MTRF1L: variants seen among roughly 807,000 people sequenced by gnomAD.
MTRF1L encodes mitochondrial translation release factor 1 like.
Under a neutral mutation model 40.0 loss-of-function variants are expected in MTRF1L, and 29 were observed. The ratio of observed to expected loss-of-function variants is 0.73; its 90% CI spans 0.54 to 0.99. MTRF1L has a LOEUF of 0.99. Ranked by LOEUF, MTRF1L falls within the 50% of genes least tolerant of loss-of-function variation. The pLI, the probability that MTRF1L is intolerant of heterozygous loss-of-function variation, is 0.00. For synonymous variants in MTRF1L, 150 were observed against 175.8 expected, an observed-to-expected ratio of 0.85 and a Z score of 1.16; for missense variants, 412 against 464.5, an observed-to-expected ratio of 0.89 and a Z score of 1.04.
intron 2 of MTRF1L, 72 bp from the exon 3 acceptor site, chr6:152,995,391 A>AT: frequency 7.7e-7 from 1 of 1,295,494 alleles, no homozygotes; most frequent in Non-Finnish European, 1.0e-6. Context: ...AAGCTAAATG[A>AT]TTCAGGAATT....
At chr6:153,000,818 CA>C (rs1778886942) in intron 1 of MTRF1L, among the ~76,000 whole-genome samples, 1 of 150,542 alleles carries the variant, frequency 6.6e-6, no homozygotes, top group Non-Finnish European at 1.5e-5. Context: ...AGACTTATTT[CA>C]GTGTGAGCTG....
chr6:152,994,603 AAC>A lies in MTRF1L; in HGVS notation c.595_596del (p.Val199SerfsTer18), dbSNP rs1778646194. On this transcript the variant is annotated frameshift_variant, in exon 4 of 7. Coordinates refer to ENST00000367233, the MANE Select transcript of MTRF1L (RefSeq NM_019041.7). LOFTEE classifies it high-confidence loss of function. ...AYRHMKFEGG[V>X]HRVQRVPKTE... ...TCTTTGGCACTCTTTGTACTCTGTGAACACCTCCTTCAAATTTCATGTGCCTA... is the reference window on the plus strand; with the variant it reads ...TCTTTGGCACTCTTTGTACTCTGTGAACCTCCTTCAAATTTCATGTGCCTA... 6.2e-7 allele frequency: 1 copy of A among 1,613,754 alleles called. No individual in the cohort carries two copies. Among genetic ancestry groups the A allele is most frequent in the South Asian group, 1.1e-5 (1 of 91,072 alleles).
chr6:152,994,408 A>AG, intron 4 of MTRF1L, 105 bp downstream of exon 4: 1 of 1,222,700 alleles, frequency 8.2e-7, no homozygotes, highest in Non-Finnish European at 1.1e-6. Flanking sequence ...AAAATACACA[A>AG]GGAAGACCAA....
intron 4 of MTRF1L, among the ~76,000 whole-genome samples, chr6:152,993,970 T>C (rs1427438276): frequency 1.3e-5 from 2 of 152,226 alleles, no homozygotes; most frequent in Non-Finnish European, 1.5e-5. Flanking sequence ...AAGTCAGATA[T>C]CTGCTATCAC....
chr6:152,998,806 T>G (rs1778808802), intron 1 of MTRF1L, 177 bp from the exon 2 acceptor site: 1 of 378,604 alleles, frequency 2.6e-6, no homozygotes, highest in Non-Finnish European at 4.7e-6. Context: ...TTCAATCAAT[T>G]TCACCATTTT....
intron 5 of MTRF1L, 95 bp from the exon 6 acceptor site, chr6:152,991,416 CCTTT>C (rs1778512058): frequency 1.5e-6 from 2 of 1,354,854 alleles, no homozygotes; most frequent in Non-Finnish European, 2.0e-6. Context: ...TTTTCTTCTT[CCTTT>C]ATGAGGGGAA....
chr6:152,998,088 A>C (rs1321709003), intron 2 of MTRF1L, among the ~76,000 whole-genome samples: 1 of 149,158 alleles, frequency 6.7e-6, no homozygotes, highest in Non-Finnish European at 1.5e-5. Context: ...TTTTAATTCC[A>C]GTTTTCCACA....
intron 4 of MTRF1L, among the ~76,000 whole-genome samples, chr6:152,993,238 TTTC>T (rs1366735482): frequency 6.6e-6 from 1 of 152,172 alleles, no homozygotes; most frequent in African/African-American, 2.4e-5. Flanking sequence ...CCTTTATCCA[TTTC>T]TTACCACAGA....
chr6:152,994,724 A>G (rs995417117), intron 3 of MTRF1L, 48 bp from the exon 4 acceptor site: 4 of 1,605,260 alleles, frequency 2.5e-6, no homozygotes, highest in Non-Finnish European at 1.7e-6. Context: ...CCTGCCATTT[A>G]TAAATAATTG....
chr6:152,998,555 G>A lies in MTRF1L; in HGVS notation c.334C>T (p.His112Tyr). The change falls in exon 2 of 7, where the codon CAT (histidine) becomes TAT (tyrosine). Residue 112 changes from histidine to tyrosine, a missense_variant. His to Tyr is a moderately conservative substitution (Grantham distance 83, BLOSUM62 2). Coordinates refer to ENST00000367233, the MANE Select transcript of MTRF1L (RefSeq NM_019041.7). ...TCTTTGCAGAAATACCATACCTGAT[G>A]CTTCAGCTGAGTTATTTCTTTTTGA... ...LCQKEITQLK[H>Y]QIILLLVPSE... 1 of 1,582,346 alleles carries A rather than the reference G, an allele frequency of 6.3e-7. No homozygotes were observed. Among genetic ancestry groups the A allele is most frequent in the Non-Finnish European group, 8.6e-7 (1 of 1,166,576 alleles).
chr6:152,989,995 G>C lies in MTRF1L; in HGVS notation c.1043C>G (p.Thr348Ser), dbSNP rs1435197858. The change falls in exon 7 of 7, where the codon ACT becomes AGT. Residue 348 changes from threonine (T) to serine (S), a missense_variant. Coordinates refer to ENST00000367233, the MANE Select transcript of MTRF1L (RefSeq NM_019041.7). The stretch of plus-strand genomic sequence containing the variant: ...CAGTAGATAATCTCCTTGCATAAAA[G>C]TTTCAAGATCATGCAGCGTCTTGTT... ...RINKTLHDLE[T>S]FMQGDYLLDE... is the part of the protein sequence containing the mutation. The C allele has an allele frequency of 8.1e-6, 13 of 1,613,654 alleles. No homozygotes were observed. The highest frequency in any genetic ancestry group is 1.0e-5 in the Non-Finnish European group (12 of 1,179,856).
intron 1 of MTRF1L, among the ~76,000 whole-genome samples, chr6:153,000,792 A>G (rs1358842845): frequency 6.6e-6 from 1 of 152,162 alleles, no homozygotes; most frequent in East Asian, 1.9e-4. Context: ...ACCAATGACA[A>G]AATTGCCAAA....
intron 1 of MTRF1L, among the ~76,000 whole-genome samples, chr6:152,999,278 A>G (rs1051562695): frequency 1.7e-5 from 2 of 116,576 alleles, no homozygotes; most frequent in Non-Finnish European, 3.9e-5. Flanking sequence ...GATATGCAGC[A>G]TATATAAAGG....
chr6:152,997,626 C>T (rs1778758081), intron 2 of MTRF1L, among the ~76,000 whole-genome samples: 2 of 152,138 alleles, frequency 1.3e-5, no homozygotes, highest in South Asian at 2.1e-4. Context: ...TTTGGGGATT[C>T]TCAAGGCACC....
At chr6:152,990,154 TTTAAC>T in intron 6 of MTRF1L, 59 bp from the exon 7 acceptor site, 2 of 1,568,352 alleles carry the variant, frequency 1.3e-6, no homozygotes, top group African/African-American at 1.4e-5. Flanking sequence ...AACCTACAAA[TTTAAC>T]TTATTTGGAG....
Position 152,990,003 on chromosome 6 carries a change from A to G in MTRF1L, c.1035T>C (p.Asp345=), listed in dbSNP as rs763146230. The G allele has an allele frequency of 1.4e-5, 23 of 1,613,710 alleles. No homozygotes were observed. The highest frequency in any genetic ancestry group is 1.9e-5 in the Non-Finnish European group (22 of 1,179,860). The change falls in exon 7 of 7, where the codon GAT becomes GAC. Residue 345 remains aspartate, a synonymous_variant. Coordinates refer to ENST00000367233, the MANE Select transcript of MTRF1L (RefSeq NM_019041.7). ...TDHRINKTLH[D]LETFMQGDYL... ...AATCTCCTTGCATAAAAGTTTCAAG[A>G]TCATGCAGCGTCTTGTTTATTCTGT... is the stretch of plus-strand genomic sequence containing the variant.
In MTRF1L at chr6:153,001,554, T is replaced by TA. The variant is rs552610069; in HGVS notation, c.259+872dup. Among the ~76,000 whole-genome samples, 536 of 152,342 alleles carry TA rather than the reference T, an allele frequency of 3.5e-3. 2 individuals carry two copies. Among genetic ancestry groups the TA allele is most frequent in the Middle Eastern group, 6.8e-3 (2 of 294 alleles). The stretch of plus-strand genomic sequence containing the variant: ...GCATTCAATGCAAAACTCATCTTTT[T>TA]AAAAAATTCGGTCCAACTTTTATAC... On this transcript the variant is annotated intron_variant, in intron 1 of 6. Coordinates refer to ENST00000367233, the MANE Select transcript of MTRF1L (RefSeq NM_019041.7).
intron 4 of MTRF1L, among the ~76,000 whole-genome samples, chr6:152,993,918 AAG>A (rs1436372011): frequency 2.6e-5 from 4 of 152,238 alleles, no homozygotes; most frequent in Non-Finnish European, 5.9e-5. Flanking sequence ...AGGAACCACT[AAG>A]AGTTCCTTCT....
At chr6:152,997,560 G>A (rs1305746112) in intron 2 of MTRF1L, among the ~76,000 whole-genome samples, 1 of 152,188 alleles carries the variant, frequency 6.6e-6, no homozygotes, top group Non-Finnish European at 1.5e-5. Context: ...AGGTGGAAGG[G>A]GTCGAGTCAA....
Sources: gnomAD v4.1 joint callset for allele counts (sites outside exome capture counted in the v4.1 genomes callset) on GRCh38, gnomAD v4.1.1 for gene constraint, MANE v1.5 for transcripts, NCBI Gene and HGNC (gene_info 2026-07-23, HGNC 2026-07-21) for gene names.